Variants in SNPH observed in about 807,000 individuals in gnomAD.
SNPH encodes the protein syntaphilin.
SNPH carries 10 observed loss-of-function variants against 36.8 expected under a neutral mutation model. That is an observed-to-expected ratio of 0.27 (90% CI 0.17 to 0.46). The LOEUF is 0.46. SNPH is among the 20% of genes least tolerant of loss of function. The pLI is 1.00. For missense variants in SNPH, 622 were observed against 744.0 expected (o/e 0.84, Z 1.91); for synonymous variants, 281 against 312.2 (o/e 0.90, Z 1.05).
At chr20:1,277,133 G>T (rs536153080) in intron 2 of SNPH, among the ~76,000 whole-genome samples, 39 of 152,308 alleles carry the variant, frequency 2.6e-4, no homozygotes, top group African/African-American at 8.9e-4. Context: ...TGTTTAGGTT[G>T]AATTTGGGGA....
chr20:1,277,638 CTGTGCCT>C (rs2088152488), intron 2 of SNPH, among the ~76,000 whole-genome samples: 1 of 61,828 alleles, frequency 1.6e-5, no homozygotes, highest in African/African-American at 5.8e-5. Context: ...GTGTGTGTGT[CTGTGCCT>C]GTGTGTCTGT....
intron 2 of SNPH, among the ~76,000 whole-genome samples, chr20:1,271,252 C>T (rs2088069786): frequency 6.6e-6 from 1 of 152,216 alleles, no homozygotes; most frequent in African/African-American, 2.4e-5. Flanking sequence ...TTTGCTTTTC[C>T]ACACCTGCAA....
intron 2 of SNPH, among the ~76,000 whole-genome samples, chr20:1,281,970 G>A (rs897967332): frequency 6.6e-6 from 1 of 152,258 alleles, no homozygotes; most frequent in Non-Finnish European, 1.5e-5. Context: ...AGGGTGGAGG[G>A]TGGAGGGTGG....
In SNPH at chr20:1,266,983, C is replaced by T. The variant is rs2088014225; in HGVS notation, c.-493+223C>T. ...AAGAATTAGAGGGTGCTGATTGCAGCAGAGAAGATGCCCAAAGTGGGTGAT... is the reference window on the plus strand; with the variant it reads ...AAGAATTAGAGGGTGCTGATTGCAGTAGAGAAGATGCCCAAAGTGGGTGAT... On this transcript the variant is annotated intron_variant, in intron 2 of 6. Coordinates refer to ENST00000381867, the MANE Select transcript of SNPH (RefSeq NM_001318234.2). The surrounding 1 kb of genome is among the most constrained non-coding windows in gnomAD (Gnocchi z 6.0). Among the ~76,000 whole-genome samples, 1 of 152,154 alleles carries T rather than the reference C, an allele frequency of 6.6e-6. No individual in the cohort carries two copies. Among genetic ancestry groups the T allele is most frequent in the Non-Finnish European group, 1.5e-5 (1 of 68,020 alleles).
intron 2 of SNPH, among the ~76,000 whole-genome samples, chr20:1,277,135 A>C (rs1188033298): frequency 6.6e-6 from 1 of 152,198 alleles, no homozygotes; most frequent in Non-Finnish European, 1.5e-5. Context: ...TTTAGGTTGA[A>C]TTTGGGGAAG....
At position 1,276,794 on chromosome 20, in the gene SNPH, C is replaced by G. The variant is rs1273979553; in HGVS notation, c.-493+10034C>G. 1.3e-5 allele frequency among the ~76,000 whole-genome samples: 2 copies of G among 152,188 alleles called. No homozygotes were observed. Among genetic ancestry groups the G allele is most frequent in the African/African-American group, 4.8e-5 (2 of 41,448 alleles). On this transcript the variant is annotated intron_variant, in intron 2 of 6. Transcript: ENST00000381867. The surrounding 1 kb of genome is among the most constrained non-coding windows in gnomAD (Gnocchi z 4.6). Reference sequence around the variant, plus strand: ...TATTCAAACTGGGTCCGGGTGACTGCAGAACAGGAATGTTATTCCGAGAAA... The same window carrying G: ...TATTCAAACTGGGTCCGGGTGACTGGAGAACAGGAATGTTATTCCGAGAAA...
At position 1,271,489 on chromosome 20, in the gene SNPH, G is replaced by A. The variant is rs558159084; in HGVS notation, c.-493+4729G>A. Among the ~76,000 whole-genome samples the A allele has an allele frequency of 5.3e-5, 8 of 152,196 alleles. 1 individual carries two copies. The South Asian group carries it at 1.7e-3, about 32-fold the overall frequency. On this transcript the variant is annotated intron_variant, in intron 2 of 6. Coordinates refer to ENST00000381867, the MANE Select transcript of SNPH (RefSeq NM_001318234.2). ...CCTGAGTAGCTGGGACTATAGGCATGCGCCACCATGCCCAGAAAATTTTTG... is the reference window on the plus strand; with the variant it reads ...CCTGAGTAGCTGGGACTATAGGCATACGCCACCATGCCCAGAAAATTTTTG...
Position 1,266,428 on chromosome 20 carries a change from C to T in SNPH, c.-600+31C>T. 1.9e-6 allele frequency: 1 copy of T among 517,138 alleles called. No homozygotes were observed. The highest frequency in any genetic ancestry group is 3.2e-6 in the Non-Finnish European group (1 of 316,496). The allele number at this position is 517,138 out of a possible 1,614,324, so 32.0% of individuals were successfully genotyped here. On this transcript the variant is annotated intron_variant, in intron 1 of 6. Transcript: ENST00000381867. This position sits in a 1 kb window ranked among gnomAD's most constrained non-coding sequence, Gnocchi z 6.0. ...GACAAGGACCCCGGGGATCTCCGGG[C>T]CCACCGCCCAGCTGCACCCGCCGCA...
chr20:1,277,632 GTGTGTCTGTGCC>G (rs1470390211), intron 2 of SNPH, among the ~76,000 whole-genome samples: 6 of 149,556 alleles, frequency 4.0e-5, no homozygotes, highest in African/African-American at 1.2e-4. Flanking sequence ...GCCTGTGTGT[GTGTGTCTGTGCC>G]TGTGTGTCTG....
chr20:1,275,343 C>CG (rs959431432), intron 2 of SNPH, among the ~76,000 whole-genome samples: 3 of 152,168 alleles, frequency 2.0e-5, no homozygotes, highest in Admixed American at 2.0e-4. Flanking sequence ...GATGTCCCCA[C>CG]GAACACTGCT....
intron 2 of SNPH, among the ~76,000 whole-genome samples, chr20:1,292,783 C>T (rs1016243917): frequency 1.3e-5 from 2 of 152,194 alleles, no homozygotes; most frequent in Non-Finnish European, 2.9e-5. Flanking sequence ...AGCTGTCACT[C>T]ACTGCCTGTG....
intron 2 of SNPH, among the ~76,000 whole-genome samples, chr20:1,289,978 A>C (rs1203493048): frequency 6.6e-6 from 1 of 152,126 alleles, no homozygotes; most frequent in African/African-American, 2.4e-5. Context: ...AGGGAGGCCA[A>C]GGTGGGTGGA....
chr20:1,283,068 A>G (rs759627557), intron 2 of SNPH, among the ~76,000 whole-genome samples: 1 of 152,194 alleles, frequency 6.6e-6, no homozygotes, highest in Non-Finnish European at 1.5e-5. Flanking sequence ...GCAAGTGGGA[A>G]GAAGAGAGGC....
At chr20:1,297,653 C>G (rs2088455713) in intron 5 of SNPH, among the ~76,000 whole-genome samples, 1 of 152,192 alleles carries the variant, frequency 6.6e-6, no homozygotes, top group African/African-American at 2.4e-5. Context: ...CAGGAAGGAA[C>G]AGGTGGAAAG....
rs2088404041 is a variant in SNPH, at chr20:1,294,549, G to A, written c.-492-402G>A. On this transcript the variant is annotated intron_variant, in intron 2 of 6. Transcript: ENST00000381867. The surrounding 1 kb of genome is among the most constrained non-coding windows in gnomAD (Gnocchi z 4.4). ...GGGAAGCATTGCCAAGCTGGGGCAAGAAGCTCAGGTGACAGGTGTGGTGTC... is the reference window on the plus strand; with the variant it reads ...GGGAAGCATTGCCAAGCTGGGGCAAAAAGCTCAGGTGACAGGTGTGGTGTC... 6.6e-6 allele frequency among the ~76,000 whole-genome samples: 1 copy of A among 152,224 alleles called. No individual in the cohort carries two copies. The highest frequency in any genetic ancestry group is 2.1e-4 in the South Asian group (1 of 4,830).
chr20:1,281,933 T>C (rs2088229600), intron 2 of SNPH, among the ~76,000 whole-genome samples: 1 of 152,244 alleles, frequency 6.6e-6, no homozygotes, highest in Non-Finnish European at 1.5e-5. Flanking sequence ...TTGGCCTCAG[T>C]TCCCCGCCTG....
At chr20:1,286,408 C>T (rs1311313129) in intron 2 of SNPH, among the ~76,000 whole-genome samples, 1 of 152,144 alleles carries the variant, frequency 6.6e-6, no homozygotes, top group Non-Finnish European at 1.5e-5. Context: ...GCAGCTGCAG[C>T]TGGAGAGGGA....
intron 2 of SNPH, among the ~76,000 whole-genome samples, chr20:1,278,945 TTTG>T (rs2088184109): frequency 6.6e-6 from 1 of 152,242 alleles, no homozygotes; most frequent in Non-Finnish European, 1.5e-5. Flanking sequence ...TAAATCATCA[TTTG>T]TTTATACATT....
intron 5 of SNPH, among the ~76,000 whole-genome samples, chr20:1,299,489 G>GAATTGGGGC (rs2088479324): frequency 6.6e-6 from 1 of 152,358 alleles, no homozygotes; most frequent in East Asian, 1.9e-4. Context: ...GTCTGTTGTG[G>GAATTGGGGC]AATTGGGGCA....
Sources: allele counts gnomAD v4.1 joint callset (sites outside exome capture counted in the v4.1 genomes callset), GRCh38; gene constraint gnomAD v4.1.1; non-coding constraint Gnocchi (gnomAD v3.1); transcripts MANE v1.5; gene names NCBI Gene and HGNC (gene_info 2026-07-23, HGNC 2026-07-21).